Variants in RBM20 observed in about 807,000 individuals in gnomAD.
RBM20 encodes the protein RNA-binding protein 20.
Under a neutral mutation model 110.1 loss-of-function variants are expected in RBM20, and 51 were observed. The ratio of observed to expected loss-of-function variants is 0.46; its 90% CI spans 0.37 to 0.59. The LOEUF (loss-of-function observed/expected upper bound fraction) is 0.59. RBM20 is among the 20% of genes least tolerant of loss of function. The pLI is 0.00. For synonymous variants in RBM20, 589 were observed against 618.2 expected, an observed-to-expected ratio of 0.95 and a Z score of 0.70; for missense variants, 1,512 against 1,574.9, an observed-to-expected ratio of 0.96 and a Z score of 0.68.
chr10:110,804,478 A>G (rs1192787471), intron 7 of RBM20, among the ~76,000 whole-genome samples: 1 of 152,242 alleles, frequency 6.6e-6, no homozygotes, highest in Non-Finnish European at 1.5e-5. Context: ...CTCACCAGGT[A>G]AAGTATAGGG....
chr10:110,758,082 G>A (rs890893132), intron 1 of RBM20, among the ~76,000 whole-genome samples: 3 of 138,482 alleles, frequency 2.2e-5, no homozygotes, highest in South Asian at 2.4e-4. Flanking sequence ...GCAGTGGTGC[G>A]ATCTCAGCTC....
In RBM20 at chr10:110,836,044, C is replaced by T; in HGVS notation, c.*66C>T. On this transcript the variant is annotated 3_prime_UTR_variant, in exon 14 of 14. Transcript: ENST00000369519. ...GAAAGGAGAGCTTGCTGAAGTGGGG[C>T]CTTCCTGATTCTGGGGACAGGACTA... 1 of 674,242 alleles carries T rather than the reference C, an allele frequency of 1.5e-6. No individual in the cohort carries two copies. The highest frequency in any genetic ancestry group is 2.6e-6 in the Non-Finnish European group (1 of 384,452). 41.8% of individuals were successfully genotyped at this position (674,242 alleles called of 1,614,324 possible).
At chr10:110,782,572 G>T (rs943243664) in intron 2 of RBM20, among the ~76,000 whole-genome samples, 6 of 152,168 alleles carry the variant, frequency 3.9e-5, no homozygotes, top group African/African-American at 1.4e-4. Flanking sequence ...TTATGAGGTA[G>T]ATATTATTAT....
chr10:110,759,609 G>A (rs1843969137), intron 1 of RBM20, among the ~76,000 whole-genome samples: 1 of 152,196 alleles, frequency 6.6e-6, no homozygotes, highest in Non-Finnish European at 1.5e-5. Flanking sequence ...CCCAGCAGGG[G>A]CAGAGGGAGG....
chr10:110,682,348 T>C (rs965993743), intron 1 of RBM20, among the ~76,000 whole-genome samples: 2 of 152,222 alleles, frequency 1.3e-5, no homozygotes, highest in African/African-American at 4.8e-5. Context: ...GTCACTTATT[T>C]TGTAGAACAC....
chr10:110,653,531 A>ATT (rs55847568), intron 1 of RBM20, among the ~76,000 whole-genome samples: 6 of 144,302 alleles, frequency 4.2e-5, no homozygotes, highest in African/African-American at 1.5e-4. Flanking sequence ...CATATAGCTG[A>ATT]TTTTTTTTTT....
chr10:110,700,542 T>C (rs1590625002), intron 1 of RBM20, among the ~76,000 whole-genome samples: 1 of 152,296 alleles, frequency 6.6e-6, no homozygotes, highest in East Asian at 1.9e-4. Context: ...TAGGTTTGGT[T>C]TGGTGGCTCA....
intron 1 of RBM20, among the ~76,000 whole-genome samples, chr10:110,738,864 G>T (rs1263288606): frequency 6.6e-6 from 1 of 152,142 alleles, no homozygotes; most frequent in African/African-American, 2.4e-5. Flanking sequence ...TGCCTGTGAT[G>T]GGAGCCCAGA....
At chr10:110,793,180 C>T (rs1415433661) in intron 5 of RBM20, among the ~76,000 whole-genome samples, 2 of 152,212 alleles carry the variant, frequency 1.3e-5, no homozygotes, top group African/African-American at 4.8e-5. Flanking sequence ...TGTCATGCAC[C>T]TAATCAGCGG....
In RBM20 at chr10:110,644,352, C is replaced by A; in HGVS notation, c.-103C>A. 1 of 941,758 alleles carries A rather than the reference C, an allele frequency of 1.1e-6. No homozygotes were observed. Among genetic ancestry groups the A allele is most frequent in the Non-Finnish European group, 1.4e-6 (1 of 690,852 alleles). 58.3% of individuals were successfully genotyped at this position (941,758 alleles called of 1,614,324 possible). On this transcript the variant is annotated 5_prime_UTR_variant, in exon 1 of 14. Coordinates refer to ENST00000369519, the MANE Select transcript of RBM20 (RefSeq NM_001134363.3). This position sits in a 1 kb window ranked among gnomAD's most constrained non-coding sequence, Gnocchi z 4.3. Reference sequence around the variant, plus strand: ...CTCCTCCCCGCGCCACCGGGAAGGACAAGGGGACTGGGCACGGGGACCCCG... The same window carrying A: ...CTCCTCCCCGCGCCACCGGGAAGGAAAAGGGGACTGGGCACGGGGACCCCG...
intron 1 of RBM20, among the ~76,000 whole-genome samples, chr10:110,740,442 G>A (rs531356727): frequency 6.6e-6 from 1 of 152,268 alleles, no homozygotes; most frequent in East Asian, 1.9e-4. Context: ...CAAGGGTGGG[G>A]GCTGGGAAGA....
intron 1 of RBM20, among the ~76,000 whole-genome samples, chr10:110,766,309 CTTTGTTTTTTTT>C (rs1315720845): frequency 7.4e-6 from 1 of 135,634 alleles, no homozygotes; most frequent in Non-Finnish European, 1.6e-5. Context: ...TCTGCAGTAA[CTTTGTTTTTTTT>C]TTTGTTTTTT....
At chr10:110,810,837 A>C (rs1379930257) in intron 8 of RBM20, among the ~76,000 whole-genome samples, 2 of 121,762 alleles carry the variant, frequency 1.6e-5, no homozygotes, top group Admixed American at 1.8e-4. Flanking sequence ...GTGTGTGTGC[A>C]TGTGTGTGCG....
rs17127859 is a variant in RBM20 at position 110,723,895 on chromosome 10, T to C, written c.192-56906T>C. Among the ~76,000 whole-genome samples the C allele has an allele frequency of 9.4e-3, 1,424 of 152,294 alleles. 66 individuals carry two copies. Among genetic ancestry groups the C allele is most frequent in the Admixed American group, 0.074 (1,133 of 15,284 alleles). The stretch of plus-strand genomic sequence containing the variant: ...CAGTTCATATGAAATTCCTTAAGTG[T>C]TGGGCTTGAGTTTTACTTCAATTAT... On this transcript the variant is annotated intron_variant, in intron 1 of 13. Coordinates refer to ENST00000369519, the MANE Select transcript of RBM20 (RefSeq NM_001134363.3).
chr10:110,679,110 C>T (rs539328605), intron 1 of RBM20, among the ~76,000 whole-genome samples: 1 of 152,344 alleles, frequency 6.6e-6, no homozygotes, highest in South Asian at 2.1e-4. Context: ...ATAAGTACTC[C>T]TGTCTTCCTC....
chr10:110,649,184 TCA>T (rs1432895438), intron 1 of RBM20, among the ~76,000 whole-genome samples: 4 of 152,166 alleles, frequency 2.6e-5, no homozygotes, highest in Non-Finnish European at 5.9e-5. Flanking sequence ...CAGGATTGAC[TCA>T]CAGTGAAATG....
In RBM20 at chr10:110,806,267, C is replaced by CAA. The variant is rs34718509; in HGVS notation, c.1801-4103_1801-4102dup. 2.3e-3 allele frequency among the ~76,000 whole-genome samples: 298 copies of CAA among 127,960 alleles called. 3 individuals are homozygous for CAA. The highest frequency in any genetic ancestry group is 6.4e-3 in the African/African-American group (218 of 34,176). The allele number at this position is 127,960 out of a possible 152,430, so 83.9% of individuals were successfully genotyped here. On this transcript the variant is annotated intron_variant, in intron 7 of 13. Transcript: ENST00000369519. The stretch of plus-strand genomic sequence containing the variant: ...TGGGACACAGTGTGAGACTCCGTCT[C>CAA]AAAAAAAAAAAAAAGAACTACCTGA...
intron 1 of RBM20, among the ~76,000 whole-genome samples, chr10:110,655,706 T>C (rs980918599): frequency 5.9e-5 from 9 of 152,200 alleles, no homozygotes; most frequent in Non-Finnish European, 1.3e-4. Context: ...AAGTGTTCTT[T>C]TGCTTTAAGA....
intron 1 of RBM20, among the ~76,000 whole-genome samples, chr10:110,723,209 A>G (rs1008823739): frequency 6.6e-6 from 1 of 152,136 alleles, no homozygotes; most frequent in African/African-American, 2.4e-5. Context: ...GTCACATATC[A>G]TGAAATTCAC....
Sources: allele counts gnomAD v4.1 joint callset (sites outside exome capture counted in the v4.1 genomes callset), GRCh38; gene constraint gnomAD v4.1.1; non-coding constraint Gnocchi (gnomAD v3.1); transcripts MANE v1.5; gene names NCBI Gene and HGNC (gene_info 2026-07-23, HGNC 2026-07-21).